The following TANK variants were observed in gnomAD, a reference collection of about 807,000 sequenced individuals.
TANK encodes TRAF family member-associated NF-kappa-B activator.
Under a neutral mutation model 43.6 loss-of-function variants are expected in TANK, and 15 were observed. The ratio of observed to expected loss-of-function variants is 0.34; its 90% CI spans 0.23 to 0.53. The LOEUF (loss-of-function observed/expected upper bound fraction) is 0.53. Among genes scored for constraint, TANK ranks in the 20% least tolerant of loss-of-function variants. The pLI is 0.94. For missense variants in TANK, 417 were observed against 498.6 expected (o/e 0.84, Z 1.56); for synonymous variants, 162 against 178.2 (o/e 0.91, Z 0.73).
chr2:161,216,690 T>C (rs570194792), intron 4 of TANK, among the ~76,000 whole-genome samples: 2 of 152,222 alleles, frequency 1.3e-5, no homozygotes, highest in African/African-American at 4.8e-5. Context: ...TGCCCTAAGA[T>C]TTTTTGATGC....
At chr2:161,147,195 C>G (rs1033930121) in intron 1 of TANK, among the ~76,000 whole-genome samples, 1 of 152,182 alleles carries the variant, frequency 6.6e-6, no homozygotes, top group Non-Finnish European at 1.5e-5. Flanking sequence ...AGGGAAAAAG[C>G]GCAGCCTGGA....
At chr2:161,188,175 T>C (rs1264436699) in intron 2 of TANK, among the ~76,000 whole-genome samples, 3 of 150,410 alleles carry the variant, frequency 2.0e-5, no homozygotes, top group African/African-American at 7.3e-5. Context: ...AAAACTAGCA[T>C]AAAGAAGAAA....
intron 1 of TANK, chr2:161,161,077 C>A: frequency 1.2e-6 from 1 of 840,480 alleles, no homozygotes; most frequent in Non-Finnish European, 1.7e-6. Context: ...GAAGCCAACC[C>A]CGCCCACAGT....
At chr2:161,175,265 G>C (rs140284187) in intron 1 of TANK, among the ~76,000 whole-genome samples, 15 of 152,250 alleles carry the variant, frequency 9.9e-5, no homozygotes, top group Admixed American at 3.9e-4. Context: ...AACACCCTGG[G>C]AGAGCACTTT....
chr2:161,145,827 TTAG>T (rs1427999109), intron 1 of TANK, among the ~76,000 whole-genome samples: 1 of 151,942 alleles, frequency 6.6e-6, no homozygotes, highest in Non-Finnish European at 1.5e-5. Flanking sequence ...GTGGAGTATC[TTAG>T]TGGTGTTCTC....
At chr2:161,150,751 G>A (rs1051083850) in intron 1 of TANK, among the ~76,000 whole-genome samples, 9 of 151,504 alleles carry the variant, frequency 5.9e-5, no homozygotes, top group African/African-American at 9.7e-5. Context: ...CCACCACACC[G>A]AGCTAATTTT....
At chr2:161,148,282 T>C (rs560740192) in intron 1 of TANK, among the ~76,000 whole-genome samples, 1 of 152,332 alleles carries the variant, frequency 6.6e-6, no homozygotes, top group African/African-American at 2.4e-5. Flanking sequence ...AGACTAATAA[T>C]GTCAAGCATT....
chr2:161,160,900 T>C, intron 1 of TANK: 1 of 442,840 alleles, frequency 2.3e-6, no homozygotes, highest in South Asian at 1.8e-5. Flanking sequence ...AGTAGTATCG[T>C]GGTTACTCTT....
intron 1 of TANK, among the ~76,000 whole-genome samples, chr2:161,150,771 A>G (rs1285064865): frequency 6.6e-6 from 1 of 151,778 alleles, no homozygotes; most frequent in African/African-American, 2.4e-5. Flanking sequence ...TTGTATTTTT[A>G]GTAGAGCCAA....
intron 1 of TANK, among the ~76,000 whole-genome samples, chr2:161,174,286 A>G (rs1427391464): frequency 6.6e-6 from 1 of 152,164 alleles, no homozygotes; most frequent in Non-Finnish European, 1.5e-5. Flanking sequence ...GAGGGAATAT[A>G]TAAATGTTAT....
chr2:161,160,740 C>A, intron 1 of TANK: 1 of 556,884 alleles, frequency 1.8e-6, no homozygotes, highest in Non-Finnish European at 3.5e-6. Flanking sequence ...CATCGTCGGC[C>A]TCTGCCCCAA....
rs534012214 is a variant in TANK at position 161,187,977 on chromosome 2, A to G, written c.99+8216A>G. On this transcript the variant is annotated intron_variant, in intron 2 of 7. Coordinates refer to ENST00000392749, the MANE Select transcript of TANK (RefSeq NM_001199135.3). The stretch of plus-strand genomic sequence containing the variant: ...ACCAGTGGGTCAAAAAAGAAATCAC[A>G]AGGGAAATTAGAATGAATATATATT... Among the ~76,000 whole-genome samples, 4 of 152,320 alleles carry G rather than the reference A, an allele frequency of 2.6e-5. No homozygotes were observed. The South Asian group carries it at 8.3e-4, about 32-fold the overall frequency.
chr2:161,178,160 G>T (rs1332756700), intron 1 of TANK, among the ~76,000 whole-genome samples: 1 of 152,042 alleles, frequency 6.6e-6, no homozygotes, highest in Admixed American at 6.6e-5. Flanking sequence ...CCACTTCTAG[G>T]TATATATCTG....
At chr2:161,168,653 T>C in intron 1 of TANK, among the ~76,000 whole-genome samples, 1 of 152,142 alleles carries the variant, frequency 6.6e-6, no homozygotes, top group East Asian at 1.9e-4. Flanking sequence ...GCTAACATGG[T>C]GAAACCCCGT....
chr2:161,162,876 G>A (rs1684507944), intron 1 of TANK: 1 of 152,068 alleles, frequency 6.6e-6, no homozygotes, highest in South Asian at 2.1e-4. Flanking sequence ...TATCAGGAAT[G>A]GAAGTTGGAT....
intron 1 of TANK, among the ~76,000 whole-genome samples, chr2:161,143,761 T>A (rs1393552748): frequency 2.0e-5 from 3 of 152,226 alleles, no homozygotes; most frequent in African/African-American, 7.2e-5. Flanking sequence ...ATCACAGATA[T>A]TGGCCTGAAG....
chr2:161,159,602 G>A (rs1421927315), upstream of TANK, among the ~76,000 whole-genome samples: 1 of 152,196 alleles, frequency 6.6e-6, no homozygotes, highest in Non-Finnish European at 1.5e-5. Flanking sequence ...AACTTGGCAG[G>A]TTTTTAAATC....
chr2:161,167,513 G>A (rs1684737053), intron 1 of TANK, among the ~76,000 whole-genome samples: 1 of 152,180 alleles, frequency 6.6e-6, no homozygotes, highest in African/African-American at 2.4e-5. Context: ...TTAATATGGG[G>A]AATTTATTTG....
rs148757065 is a variant in TANK at position 161,227,309 on chromosome 2, G to A, written c.520+2563G>A. Among the ~76,000 whole-genome samples, 10 of 152,234 alleles carry A rather than the reference G, an allele frequency of 6.6e-5. No homozygotes were observed. In the East Asian group the frequency reaches 1.3e-3, roughly 21 times the overall value. On this transcript the variant is annotated intron_variant, in intron 6 of 7. Coordinates refer to ENST00000392749, the MANE Select transcript of TANK (RefSeq NM_001199135.3). ...GATTTCTCCTCGTTTTGTTCACAGC[G>A]GGGATAGATCAACTGCTAGAAAAAT...
Sources: gnomAD v4.1 joint callset for allele counts (sites outside exome capture counted in the v4.1 genomes callset) on GRCh38, gnomAD v4.1.1 for gene constraint, MANE v1.5 for transcripts, NCBI Gene and HGNC (gene_info 2026-07-23, HGNC 2026-07-21) for gene names.